Variants in ADCY4 observed in about 807,000 individuals in gnomAD.
ADCY4 encodes the protein adenylate cyclase 4.
ADCY4 carries 111 observed loss-of-function variants against 125.5 expected under a neutral mutation model. The ratio of observed to expected loss-of-function variants is 0.88; its 90% CI spans 0.76 to 1.04. ADCY4 has a LOEUF of 1.04. Ranked by LOEUF, ADCY4 falls within the 50% of genes least tolerant of loss-of-function variation. ADCY4 has a pLI of 0.00. For synonymous variants in ADCY4, 576 were observed against 586.9 expected (o/e 0.98, Z 0.27); for missense variants, 1,256 against 1,382.9 (o/e 0.91, Z 1.46).
At chr14:24,321,371 A>G (rs970784834) in intron 20 of ADCY4, among the ~76,000 whole-genome samples, 1 of 152,006 alleles carries the variant, frequency 6.6e-6, no homozygotes, top group Non-Finnish European at 1.5e-5. Flanking sequence ...CAGTGAGCTG[A>G]GACCGTGCCA....
At chr14:24,333,715 A>G (rs2042087093) in intron 1 of ADCY4, among the ~76,000 whole-genome samples, 1 of 152,140 alleles carries the variant, frequency 6.6e-6, no homozygotes, top group Admixed American at 6.5e-5. Context: ...AATCTGGCCA[A>G]TTTGCTCGGG....
In ADCY4 at chr14:24,322,111, A is replaced by T; in HGVS notation, c.2541T>A (p.Pro847=). The stretch of plus-strand genomic sequence containing the variant: ...CAATGAACTGGGGGGCCACGTGTGC[A>T]GGGAGCACGTTCTCCAAGAGCAGCC... ...LTRLLLENVL[P]AHVAPQFIGQ... is the part of the protein sequence containing the mutation. Residue 847 remains proline (P), a synonymous_variant, in exon 20 of 25, where the codon CCT becomes CCA. Coordinates refer to ENST00000418030, the MANE Select transcript of ADCY4 (RefSeq NM_001198568.2). The T allele has an allele frequency of 6.2e-7, 1 of 1,614,078 alleles. No individual in the cohort carries two copies. Among genetic ancestry groups the T allele is most frequent in the Non-Finnish European group, 8.5e-7 (1 of 1,179,958 alleles).
Position 24,331,202 on chromosome 14 carries a change from TC to T in ADCY4, c.818+5del. ...GCCCCTCCCCTCCAGCCATTCTTCC[TC>T]ATACCTGACTCCCTGGTGCCTCTTG... On this transcript the variant is annotated splice_donor_5th_base_variant and intron_variant, in intron 5 of 24. Coordinates refer to ENST00000418030, the MANE Select transcript of ADCY4 (RefSeq NM_001198568.2). The T allele has an allele frequency of 6.2e-7, 1 of 1,614,120 alleles. No individual in the cohort carries two copies. Among genetic ancestry groups the T allele is most frequent in the Non-Finnish European group, 8.5e-7 (1 of 1,180,008 alleles).
At chr14:24,329,695 G>A (rs1228237039) in intron 8 of ADCY4, among the ~76,000 whole-genome samples, 162 bp from the exon 9 acceptor site, 2 of 152,086 alleles carry the variant, frequency 1.3e-5, no homozygotes, top group African/African-American at 2.4e-5. Context: ...TACAGGAGGT[G>A]CCTCCCAGCT....
rs2042046993 is a variant in ADCY4 at position 24,331,884 on chromosome 14, G to GT, written c.572dup (p.His191GlnfsTer69). The GT allele has an allele frequency of 6.3e-7, 1 of 1,599,502 alleles. No homozygotes were observed. The highest frequency in any genetic ancestry group is 2.3e-5 in the East Asian group (1 of 44,418). ...GCAGGGCGCGCTCCATCAGCGCCTTGTGGTACACTCCTGCCACGTTCCCGC... is the reference window on the plus strand; with the variant it reads ...GCAGGGCGCGCTCCATCAGCGCCTTGTTGGTACACTCCTGCCACGTTCCCGC... On this transcript the variant is annotated frameshift_variant, in exon 4 of 25. Transcript: ENST00000418030. LOFTEE classifies it high-confidence loss of function.
In ADCY4 at chr14:24,322,931, C is replaced by T. The variant is rs375668939; in HGVS notation, c.2315G>A (p.Arg772His). Residue 772 changes from arginine (R) to histidine (H), a missense_variant, in exon 18 of 25, where the codon CGC (arginine) becomes CAC (histidine). Arg to His is a conservative substitution (Grantham distance 29, BLOSUM62 0). Coordinates refer to ENST00000418030, the MANE Select transcript of ADCY4 (RefSeq NM_001198568.2). Reference protein sequence around the residue: ...HAWLSECLIVRLYLGPLDSRP... With the variant: ...HAWLSECLIVHLYLGPLDSRP... ...GGAGTCCAAGGGGCCCAGATAGAGG[C>T]GGACGATGAGGCATTCCGACAGCCA... 1.8e-5 allele frequency: 29 copies of T among 1,607,944 alleles called. No homozygotes were observed. The highest frequency in any genetic ancestry group is 9.3e-5 in the African/African-American group (7 of 74,994).
At position 24,332,620 on chromosome 14, in the gene ADCY4, C is replaced by A. The variant is rs1490827573; in HGVS notation, c.421G>T (p.Ala141Ser). The A allele has an allele frequency of 1.9e-6, 3 of 1,581,794 alleles. No homozygotes were observed. The highest frequency in any genetic ancestry group is 1.7e-6 in the Non-Finnish European group (2 of 1,163,992). ...YAMLPLGMRD[A>S]AVAGLASSLS... Reference sequence around the variant, plus strand: ...GAGGAGGCGAGGCCCGCGACGGCGGCGTCCCGCATGCCCAAGGGCAGCATG... The same window carrying A: ...GAGGAGGCGAGGCCCGCGACGGCGGAGTCCCGCATGCCCAAGGGCAGCATG... The change falls in exon 3 of 25, where the codon GCC becomes TCC. Residue 141 changes from alanine to serine, a missense_variant. Physicochemically the swap from Ala to Ser is moderately conservative, Grantham distance 99. Coordinates refer to ENST00000418030, the MANE Select transcript of ADCY4 (RefSeq NM_001198568.2).
At chr14:24,330,088 C>A in intron 7 of ADCY4, 70 bp from the exon 8 acceptor site, 1 of 1,597,416 alleles carries the variant, frequency 6.3e-7, no homozygotes, top group Non-Finnish European at 8.6e-7. Context: ...CCCAGATTCT[C>A]ACAAAGAGGA....
chr14:24,334,527 C>A lies in ADCY4; in HGVS notation c.126G>T (p.Ala42=). The A allele has an allele frequency of 6.3e-7, 1 of 1,582,968 alleles. No homozygotes were observed. The highest frequency in any genetic ancestry group is 8.5e-7 in the Non-Finnish European group (1 of 1,169,920). Residue 42 remains alanine, a synonymous_variant, in exon 1 of 25, where the codon GCG becomes GCT. Transcript: ENST00000418030. ...TGGCCCAGGCCACTGCGAGCAGCGC[C>A]GCGAGCGCACAGAGCACGATCCCCA... ...LLLGIVLCAL[A]ALLAVAWASG...
chr14:24,330,166 A>G lies in ADCY4; in HGVS notation c.1058+2T>C. On this transcript the variant is annotated splice_donor_variant, in intron 7 of 24. Transcript: ENST00000418030. LOFTEE classifies it high-confidence loss of function. ...TTCCTCTTGACCACCGCCTGAGCTG[A>G]CCTGATGGCCCGGCACATGTCCAGG... 2.5e-6 allele frequency: 4 copies of G among 1,613,426 alleles called. No individual in the cohort carries two copies. Among genetic ancestry groups the G allele is most frequent in the South Asian group, 1.1e-5 (1 of 91,080 alleles).
At chr14:24,329,804 C>G in intron 8 of ADCY4, 56 bp downstream of exon 8, 1 of 1,581,024 alleles carries the variant, frequency 6.3e-7, no homozygotes, top group Non-Finnish European at 8.6e-7. Flanking sequence ...AGGATGGCAG[C>G]CTGTGGTAGG....
At position 24,326,073 on chromosome 14, in the gene ADCY4, C is replaced by T. The variant is rs764621808; in HGVS notation, c.1655+6G>A. The T allele has an allele frequency of 7.0e-6, 11 of 1,573,228 alleles. No individual in the cohort carries two copies. In the South Asian group the frequency reaches 1.2e-4, roughly 17 times the overall value. The stretch of plus-strand genomic sequence containing the variant: ...CGGCCCCCCCAGCCCTCTTTGTTCT[C>T]CGTACTTCTGCGAGTTGAGCTGCTC... On this transcript the variant is annotated splice_donor_region_variant and intron_variant, in intron 12 of 24. Transcript: ENST00000418030.
rs760256440 is a variant in ADCY4, at chr14:24,323,390, T to C, written c.2111A>G (p.Asn704Ser). 3 of 1,557,328 alleles carry C rather than the reference T, an allele frequency of 1.9e-6. No individual in the cohort carries two copies. Among genetic ancestry groups the C allele is most frequent in the East Asian group, 2.4e-5 (1 of 41,520 alleles). The change falls in exon 17 of 25, where the codon AAC becomes AGC. Residue 704 changes from asparagine to serine, a missense_variant. By Grantham distance (46) the Asn-to-Ser change is conservative (BLOSUM62 1). Coordinates refer to ENST00000418030, the MANE Select transcript of ADCY4 (RefSeq NM_001198568.2). ...AGACCCAGGGAGCTCCCAGGAGAGG[T>C]TGGAAATCATGGAGGACACATTGGG... ...QAPNVSSMISNLSWELPGSLP... is the reference protein window; with the variant it reads ...QAPNVSSMISSLSWELPGSLP...
At chr14:24,334,445 G>C in intron 1 of ADCY4, 49 bp downstream of exon 1, 1 of 1,515,336 alleles carries the variant, frequency 6.6e-7, no homozygotes, top group African/African-American at 1.4e-5. Context: ...CCCCAACCCC[G>C]AAAATGCTCC....
intron 12 of ADCY4, 26 bp downstream of exon 12, chr14:24,326,053 C>T: frequency 6.4e-7 from 1 of 1,565,470 alleles, no homozygotes; most frequent in Non-Finnish European, 8.7e-7. Flanking sequence ...GCCTGCGGCC[C>T]CCCCAGCCCT....
chr14:24,328,771 G>A lies in ADCY4; in HGVS notation c.1524+290C>T, dbSNP rs975917792. 37 of 382,774 alleles carry A rather than the reference G, an allele frequency of 9.7e-5. No homozygotes were observed. In the South Asian group the frequency reaches 1.1e-3, roughly 11 times the overall value. 23.7% of individuals were successfully genotyped at this position (382,774 alleles called of 1,614,324 possible). ...GTCTTTATTTCTACACTCTCTCGTC[G>A]TCGCACACAGGGAGAGACCCACCGA... On this transcript the variant is annotated intron_variant, in intron 10 of 24. Coordinates refer to ENST00000418030, the MANE Select transcript of ADCY4 (RefSeq NM_001198568.2).
intron 2 of ADCY4, 26 bp downstream of exon 2, chr14:24,332,765 G>A: frequency 6.5e-7 from 1 of 1,532,104 alleles, no homozygotes; most frequent in Non-Finnish European, 8.8e-7. Context: ...GGCCGTCCCC[G>A]CTGCCCCGCC....
At chr14:24,324,531 T>C in intron 14 of ADCY4, 140 bp from the exon 15 acceptor site, 1 of 935,404 alleles carries the variant, frequency 1.1e-6, no homozygotes, top group Non-Finnish European at 1.7e-6. Flanking sequence ...TCCCGGCTGA[T>C]AGAAGACATT....
intron 8 of ADCY4, 44 bp from the exon 9 acceptor site, chr14:24,329,577 A>C (rs2042007775): frequency 1.3e-6 from 2 of 1,501,446 alleles, no homozygotes; most frequent in Non-Finnish European, 1.8e-6. Context: ...AGGGCCTTCA[A>C]ATCTCCTATT....
Sources: allele counts gnomAD v4.1 joint callset (sites outside exome capture counted in the v4.1 genomes callset), GRCh38; gene constraint gnomAD v4.1.1; transcripts MANE v1.5; gene names NCBI Gene and HGNC (gene_info 2026-07-23, HGNC 2026-07-21).